Variants in ADAM18 observed in about 807,000 individuals in gnomAD.
The protein encoded by ADAM18 is ADAM metallopeptidase domain 18.
In ADAM18, 117 loss-of-function variants were observed where a neutral mutation model predicts 94.4. The ratio of observed to expected loss-of-function variants is 1.24; its 90% CI spans 1.07 to 1.45. The LOEUF is 1.45. ADAM18 is among the 40% of genes most tolerant of loss of function. The pLI, the probability that ADAM18 is intolerant of heterozygous loss-of-function variation, is 0.00. For missense variants in ADAM18, 936 were observed against 880.0 expected (o/e 1.06, Z -0.81); for synonymous variants, 327 against 291.6 (o/e 1.12, Z -1.24).
chr8:39,664,724 A>T (rs942220905), intron 13 of ADAM18, among the ~76,000 whole-genome samples: 1 of 152,152 alleles, frequency 6.6e-6, no homozygotes, highest in African/African-American at 2.4e-5. Context: ...ATACAATTGA[A>T]ATGAACAGTA....
chr8:39,587,156 C>T (rs1818426931), intron 2 of ADAM18, among the ~76,000 whole-genome samples: 2 of 152,232 alleles, frequency 1.3e-5, no homozygotes, highest in Admixed American at 6.5e-5. Flanking sequence ...ATCATGACCA[C>T]AGTCGATGTA....
intron 18 of ADAM18, among the ~76,000 whole-genome samples, chr8:39,718,860 G>C (rs1045655518): frequency 6.6e-6 from 1 of 150,972 alleles, no homozygotes; most frequent in African/African-American, 2.4e-5. Context: ...AATAAATGGA[G>C]AGGCATGCAA....
intron 4 of ADAM18, 142 bp from the exon 5 acceptor site, chr8:39,609,343 C>A: frequency 4.4e-6 from 3 of 685,444 alleles, no homozygotes; most frequent in Non-Finnish European, 4.8e-6. Flanking sequence ...TGTCACAAAT[C>A]TTTTTTTTTC....
At chr8:39,703,646 G>A (rs1045381159) in intron 17 of ADAM18, among the ~76,000 whole-genome samples, 1 of 151,858 alleles carries the variant, frequency 6.6e-6, no homozygotes, top group Non-Finnish European at 1.5e-5. Context: ...ATTGTTTTGA[G>A]GTATGTTCCT....
At chr8:39,701,834 G>T (rs182306749) in intron 17 of ADAM18, among the ~76,000 whole-genome samples, 3 of 152,170 alleles carry the variant, frequency 2.0e-5, no homozygotes, top group Admixed American at 2.0e-4. Flanking sequence ...CTTTTTATGG[G>T]TGCATAGTAT....
chr8:39,702,418 T>G (rs1822109347), intron 17 of ADAM18, among the ~76,000 whole-genome samples: 1 of 152,140 alleles, frequency 6.6e-6, no homozygotes, highest in Admixed American at 6.6e-5. Context: ...TTTGCAAATA[T>G]TTTCTCCCAT....
At chr8:39,634,152 G>T (rs138455034) in intron 7 of ADAM18, among the ~76,000 whole-genome samples, 53 of 152,216 alleles carry the variant, frequency 3.5e-4, no homozygotes, top group African/African-American at 1.3e-3. Flanking sequence ...CTTCTCTGCT[G>T]CCCTGGCTTT....
intron 12 of ADAM18, among the ~76,000 whole-genome samples, chr8:39,653,282 A>G (rs1820588395): frequency 6.6e-6 from 1 of 152,124 alleles, no homozygotes; most frequent in Non-Finnish European, 1.5e-5. Context: ...TAACATTTTT[A>G]TTTGTCGATT....
chr8:39,691,796 T>A (rs1821789557), intron 16 of ADAM18, among the ~76,000 whole-genome samples: 3 of 151,988 alleles, frequency 2.0e-5, no homozygotes, highest in African/African-American at 7.2e-5. Context: ...TATCTTTTTA[T>A]TTTTTGCTGA....
intron 6 of ADAM18, among the ~76,000 whole-genome samples, chr8:39,625,701 G>T (rs1247265126): frequency 6.6e-6 from 1 of 151,664 alleles, no homozygotes; most frequent in East Asian, 1.9e-4. Context: ...TTATTTTCAG[G>T]TATGTTCCTT....
At chr8:39,689,444 A>C (rs192653501) in intron 16 of ADAM18, among the ~76,000 whole-genome samples, 2 of 152,294 alleles carry the variant, frequency 1.3e-5, no homozygotes, top group African/African-American at 4.8e-5. Flanking sequence ...CATTTATTGA[A>C]TAGAATATCC....
intron 19 of ADAM18, among the ~76,000 whole-genome samples, chr8:39,727,763 G>A (rs540424331): frequency 6.6e-6 from 1 of 152,098 alleles, no homozygotes; most frequent in African/African-American, 2.4e-5. Flanking sequence ...TGAGCCCTCC[G>A]AACTCTCCCA....
intron 10 of ADAM18, among the ~76,000 whole-genome samples, chr8:39,643,536 G>A (rs373164565): frequency 1.7e-4 from 26 of 152,114 alleles, no homozygotes; most frequent in East Asian, 5.8e-4. Context: ...ACAAAATACC[G>A]CAAACTGAGC....
chr8:39,696,205 T>G (rs1007714424), intron 17 of ADAM18, among the ~76,000 whole-genome samples: 2 of 151,512 alleles, frequency 1.3e-5, no homozygotes, highest in Non-Finnish European at 3.0e-5. Flanking sequence ...TGATTTTCTA[T>G]TCAAGTCCTT....
At chr8:39,619,870 A>G (rs1305378956) in intron 6 of ADAM18, among the ~76,000 whole-genome samples, 1 of 152,178 alleles carries the variant, frequency 6.6e-6, no homozygotes, top group Non-Finnish European at 1.5e-5. Flanking sequence ...CAGTCTTTAC[A>G]GAAATAGAAA....
chr8:39,607,505 A>G (rs187521950), intron 3 of ADAM18, among the ~76,000 whole-genome samples: 1 of 152,232 alleles, frequency 6.6e-6, no homozygotes, highest in African/African-American at 2.4e-5. Flanking sequence ...CAACTCCACA[A>G]GTGTTTTCTG....
intron 12 of ADAM18, among the ~76,000 whole-genome samples, chr8:39,662,942 T>C (rs1444957508): frequency 6.6e-6 from 1 of 152,222 alleles, no homozygotes; most frequent in African/African-American, 2.4e-5. Context: ...GAATAATAAT[T>C]GACTGCCATT....
chr8:39,718,586 C>T (rs1347845565), intron 18 of ADAM18, among the ~76,000 whole-genome samples: 3 of 151,280 alleles, frequency 2.0e-5, no homozygotes, highest in East Asian at 1.9e-4. Context: ...AATTAATGGG[C>T]ATAAAGTGTC....
intron 13 of ADAM18, among the ~76,000 whole-genome samples, chr8:39,665,104 C>A (rs950790572): frequency 2.6e-5 from 4 of 152,154 alleles, no homozygotes; most frequent in African/African-American, 9.7e-5. Context: ...GTCCATGACT[C>A]CACCCGCAGC....
Sources: gnomAD v4.1 joint callset for allele counts (sites outside exome capture counted in the v4.1 genomes callset) on GRCh38, gnomAD v4.1.1 for gene constraint, MANE v1.5 for transcripts, NCBI Gene and HGNC (gene_info 2026-07-23, HGNC 2026-07-21) for gene names.